Variants in FAM184A observed in about 807,000 individuals in gnomAD.
FAM184A encodes protein FAM184A.
In FAM184A, 99 loss-of-function variants were observed where a neutral mutation model predicts 143.8. That is an observed-to-expected ratio of 0.69 (90% CI 0.58 to 0.81). The LOEUF (loss-of-function observed/expected upper bound fraction) is 0.81, where lower values mean the gene tolerates loss of function less well. FAM184A is among the 40% of genes least tolerant of loss of function. The pLI, the probability that FAM184A is intolerant of heterozygous loss-of-function variation, is 0.00. For missense variants in FAM184A, 1,217 were observed against 1,310.5 expected (o/e 0.93, Z 1.10); for synonymous variants, 427 against 446.4 (o/e 0.96, Z 0.55).
chr6:119,101,398 CATTTA>C (rs1562150623), intron 1 of FAM184A, among the ~76,000 whole-genome samples: 4 of 152,106 alleles, frequency 2.6e-5, no homozygotes, highest in African/African-American at 9.7e-5. Flanking sequence ...TCAATTATCT[CATTTA>C]ATCTCAAAAC....
At chr6:119,059,822 A>T (rs1481483055) in intron 1 of FAM184A, among the ~76,000 whole-genome samples, 1 of 152,246 alleles carries the variant, frequency 6.6e-6, no homozygotes, top group Admixed American at 6.5e-5. Context: ...GAAAATGGCT[A>T]TATTGAGTTT....
intron 4 of FAM184A, among the ~76,000 whole-genome samples, chr6:119,017,609 T>G (rs1785305734): frequency 6.6e-6 from 1 of 152,140 alleles, no homozygotes; most frequent in Non-Finnish European, 1.5e-5. Flanking sequence ...GAATGCCAAT[T>G]ACGTACCTTT....
intron 1 of FAM184A, among the ~76,000 whole-genome samples, chr6:119,115,072 T>A (rs899797234): frequency 6.6e-6 from 1 of 152,212 alleles, no homozygotes; most frequent in Non-Finnish European, 1.5e-5. Context: ...AATTTTTCAA[T>A]TTTTAGATAA....
intron 1 of FAM184A, among the ~76,000 whole-genome samples, chr6:119,115,489 C>T (rs1282680370): frequency 2.0e-5 from 3 of 151,810 alleles, no homozygotes; most frequent in South Asian, 2.1e-4. Context: ...ACCAGGAGCT[C>T]GAGACCACCA....
intron 1 of FAM184A, among the ~76,000 whole-genome samples, chr6:119,133,939 C>T (rs747642125): frequency 2.0e-5 from 3 of 151,566 alleles, no homozygotes; most frequent in Non-Finnish European, 4.4e-5. Context: ...GCTTTGGCCT[C>T]CCAAAGTGTT....
chr6:119,112,010 C>T (rs1019965951), intron 1 of FAM184A, among the ~76,000 whole-genome samples: 1 of 152,174 alleles, frequency 6.6e-6, no homozygotes, highest in Non-Finnish European at 1.5e-5. Flanking sequence ...CTATTAAAAA[C>T]TATGTAATCC....
At chr6:119,056,639 C>G (rs1162493136) in intron 1 of FAM184A, among the ~76,000 whole-genome samples, 1 of 152,184 alleles carries the variant, frequency 6.6e-6, no homozygotes, top group Non-Finnish European at 1.5e-5. Flanking sequence ...CTAGGAACTT[C>G]CTTTCCAAAG....
At chr6:119,101,315 G>A (rs1168494095) in intron 1 of FAM184A, among the ~76,000 whole-genome samples, 2 of 151,636 alleles carry the variant, frequency 1.3e-5, no homozygotes, top group African/African-American at 2.4e-5. Flanking sequence ...CCGGTGATCC[G>A]CCCGCCTCGG....
intron 9 of FAM184A, among the ~76,000 whole-genome samples, chr6:118,983,663 A>G (rs920248142): frequency 2.0e-5 from 3 of 152,162 alleles, no homozygotes; most frequent in Non-Finnish European, 4.4e-5. Context: ...CAATTTAGAT[A>G]TGAAATATAT....
chr6:119,081,198 G>A (rs1788052274), upstream of FAM184A, among the ~76,000 whole-genome samples: 1 of 152,186 alleles, frequency 6.6e-6, no homozygotes, highest in African/African-American at 2.4e-5. Flanking sequence ...GAGAAAGAGA[G>A]AAAGAGAGAC....
chr6:118,971,806 T>C (rs1783704797), intron 14 of FAM184A, among the ~76,000 whole-genome samples: 1 of 152,208 alleles, frequency 6.6e-6, no homozygotes, highest in East Asian at 1.9e-4. Context: ...TTTACATGTG[T>C]TGCCCCACCC....
At chr6:119,128,029 A>T (rs1265035671) in intron 1 of FAM184A, among the ~76,000 whole-genome samples, 1 of 152,196 alleles carries the variant, frequency 6.6e-6, no homozygotes, top group Non-Finnish European at 1.5e-5. Flanking sequence ...CATGACTGGA[A>T]GGTGGAGGTA....
At chr6:119,013,400 C>T (rs1467991425) in intron 5 of FAM184A, among the ~76,000 whole-genome samples, 1 of 151,952 alleles carries the variant, frequency 6.6e-6, no homozygotes, top group East Asian at 1.9e-4. Flanking sequence ...TTTAAATATT[C>T]CAATAAGAAA....
chr6:118,971,003 T>A (rs1258349620), intron 14 of FAM184A, among the ~76,000 whole-genome samples: 4 of 152,224 alleles, frequency 2.6e-5, no homozygotes, highest in Non-Finnish European at 5.9e-5. Context: ...TATTGTTTCA[T>A]AACCAAACAA....
chr6:119,033,990 C>CAAAA lies in FAM184A; in HGVS notation c.160-9181_160-9178dup, dbSNP rs59719185. Among the ~76,000 whole-genome samples, 24 of 17,390 alleles carry CAAAA rather than the reference C, an allele frequency of 1.4e-3. 2 individuals carry two copies. The highest frequency in any genetic ancestry group is 2.5e-3 in the Admixed American group (2 of 810). 11.4% of individuals were successfully genotyped at this position (17,390 alleles called of 152,430 possible). On this transcript the variant is annotated intron_variant, in intron 1 of 17. Coordinates refer to ENST00000338891, the MANE Select transcript of FAM184A (RefSeq NM_024581.6). ...TGAGTGACAGAGTGAGACTCTGTCTCAAAAAAAAAAAAAAAAAAAAAAAAA... is the reference window on the plus strand; with the variant it reads ...TGAGTGACAGAGTGAGACTCTGTCTCAAAAAAAAAAAAAAAAAAAAAAAAAAAAA...
At position 119,024,701 on chromosome 6, in the gene FAM184A, AT is replaced by A; in HGVS notation, c.271del (p.Ile91TyrfsTer8). 1.9e-6 allele frequency: 3 copies of A among 1,613,730 alleles called. No homozygotes were observed. Among genetic ancestry groups the A allele is most frequent in the Non-Finnish European group, 2.5e-6 (3 of 1,179,950 alleles). ...TGTTACTTTGCTTTTATACTGCAATATTTTTTCTCTTGTTTCAGCAAGAATT... is the reference window on the plus strand; with the variant it reads ...TGTTACTTTGCTTTTATACTGCAATATTTTTCTCTTGTTTCAGCAAGAATT... The part of the protein sequence containing the change: ...QQILAETREK[I>X]LQYKSKVTEE... On this transcript the variant is annotated frameshift_variant, in exon 2 of 18. Coordinates refer to ENST00000338891, the MANE Select transcript of FAM184A (RefSeq NM_024581.6). LOFTEE classifies it high-confidence loss of function.
intron 4 of FAM184A, among the ~76,000 whole-genome samples, chr6:119,019,167 G>A (rs979539386): frequency 6.6e-5 from 10 of 152,190 alleles, no homozygotes; most frequent in Non-Finnish European, 1.5e-4. Flanking sequence ...GGGAACAGAT[G>A]GAGGAGGGAA....
intron 6 of FAM184A, chr6:119,011,091 C>T (rs1785074054): frequency 2.4e-6 from 1 of 418,222 alleles, no homozygotes. Flanking sequence ...TGCTTCTCCC[C>T]ACAACAGCAC....
chr6:118,994,105 G>A (rs1035300283), intron 9 of FAM184A, among the ~76,000 whole-genome samples: 4 of 152,050 alleles, frequency 2.6e-5, no homozygotes, highest in African/African-American at 4.8e-5. Flanking sequence ...ATTTAGAGAC[G>A]CCTTCCCCAA....
Sources: allele counts gnomAD v4.1 joint callset (sites outside exome capture counted in the v4.1 genomes callset), GRCh38; gene constraint gnomAD v4.1.1; transcripts MANE v1.5; gene names NCBI Gene and HGNC (gene_info 2026-07-23, HGNC 2026-07-21).